Variants in THADA observed in about 807,000 individuals in gnomAD.
THADA encodes the protein THADA armadillo repeat containing.
In THADA, 213 loss-of-function variants were observed where a neutral mutation model predicts 219.8. The ratio of observed to expected loss-of-function variants is 0.97; its 90% CI spans 0.87 to 1.09. The LOEUF (loss-of-function observed/expected upper bound fraction) is 1.09. Ranked by LOEUF, THADA falls within the 50% of genes least tolerant of loss-of-function variation. The pLI is 0.00. For synonymous variants in THADA, 1,018 were observed against 828.9 expected, an observed-to-expected ratio of 1.23 and a Z score of -3.92; for missense variants, 2,956 against 2,311.3, an observed-to-expected ratio of 1.28 and a Z score of -5.72.
intron 29 of THADA, among the ~76,000 whole-genome samples, chr2:43,397,219 G>A (rs1674172403): frequency 6.6e-6 from 1 of 152,010 alleles, no homozygotes; most frequent in African/African-American, 2.4e-5. Flanking sequence ...GAGATCTCAA[G>A]GCCATCTCTC....
chr2:43,515,081 TATAA>T (rs1558890737), intron 22 of THADA, among the ~76,000 whole-genome samples: 1 of 24,694 alleles, frequency 4.0e-5, no homozygotes, highest in Non-Finnish European at 6.8e-5. Context: ...ATATAATATA[TATAA>T]ATATATATAT....
At chr2:43,543,257 C>T (rs527977075) in intron 20 of THADA, among the ~76,000 whole-genome samples, 1 of 131,566 alleles carries the variant, frequency 7.6e-6, no homozygotes, top group Non-Finnish European at 1.6e-5. Context: ...GCCACATTTT[C>T]TTAATCCAGT....
intron 30 of THADA, among the ~76,000 whole-genome samples, chr2:43,342,156 C>T (rs1667133131): frequency 6.6e-6 from 1 of 152,152 alleles, no homozygotes; most frequent in South Asian, 2.1e-4. Flanking sequence ...GTCAAGGCTA[C>T]AGTGAGCCGT....
chr2:43,290,087 C>T (rs928998667), intron 34 of THADA, among the ~76,000 whole-genome samples: 1 of 150,460 alleles, frequency 6.6e-6, no homozygotes, highest in Admixed American at 6.7e-5. Context: ...GCAATTCTGC[C>T]TCAGCCTCCC....
chr2:43,320,808 G>T (rs2104463220), intron 30 of THADA, among the ~76,000 whole-genome samples: 2 of 152,226 alleles, frequency 1.3e-5, no homozygotes, highest in Non-Finnish European at 2.9e-5. Flanking sequence ...AAAATAAAAT[G>T]AAAACAAACA....
chr2:43,266,751 C>T (rs182601667), intron 36 of THADA, among the ~76,000 whole-genome samples: 188 of 152,236 alleles, frequency 1.2e-3, no homozygotes, highest in Admixed American at 3.9e-3. Flanking sequence ...AGGAGAGACA[C>T]AAAGACTGGA....
intron 21 of THADA, among the ~76,000 whole-genome samples, chr2:43,530,194 G>C (rs567585564): frequency 6.6e-6 from 1 of 151,962 alleles, no homozygotes; most frequent in African/African-American, 2.4e-5. Flanking sequence ...AGAGTGACAG[G>C]TCATGTTCTT....
chr2:43,270,022 C>A (rs1444561242), intron 36 of THADA, among the ~76,000 whole-genome samples: 1 of 152,198 alleles, frequency 6.6e-6, no homozygotes, highest in Non-Finnish European at 1.5e-5. Context: ...CTTCTCTGCC[C>A]TTACCCCACA....
At chr2:43,543,954 T>C (rs1175889187) in intron 20 of THADA, among the ~76,000 whole-genome samples, 1 of 152,152 alleles carries the variant, frequency 6.6e-6, no homozygotes, top group Non-Finnish European at 1.5e-5. Flanking sequence ...CCCATGCCTA[T>C]GTCCTGAATG....
At position 43,485,922 on chromosome 2, in the gene THADA, T is replaced by C. The variant is rs192337273; in HGVS notation, c.3745-597A>G. Among the ~76,000 whole-genome samples the C allele has an allele frequency of 1.4e-3, 208 of 152,148 alleles. 4 individuals are homozygous for C. The highest frequency in any genetic ancestry group is 0.011 in the Admixed American group (174 of 15,266). On this transcript the variant is annotated intron_variant, in intron 25 of 37. Transcript: ENST00000405975. ...TTTTGTTTGTTTTGCTTTTGACTTT[T>C]TGTTGTTGTTGTTATTTTTACAGCC...
chr2:43,423,564 C>T (rs1177395342), intron 28 of THADA, among the ~76,000 whole-genome samples: 1 of 151,988 alleles, frequency 6.6e-6, no homozygotes, highest in Non-Finnish European at 1.5e-5. Context: ...TCTCGAGTAG[C>T]TGGGACTACA....
At chr2:43,408,868 A>G (rs1675928504) in intron 28 of THADA, among the ~76,000 whole-genome samples, 1 of 152,188 alleles carries the variant, frequency 6.6e-6, no homozygotes, top group Non-Finnish European at 1.5e-5. Context: ...TATGTCTAAC[A>G]CTAACCATAC....
At chr2:43,572,685 G>C (rs1699426313) in intron 12 of THADA, 129 bp downstream of exon 12, 1 of 709,170 alleles carries the variant, frequency 1.4e-6, no homozygotes, top group East Asian at 3.2e-5. Context: ...TGGGAGACTA[G>C]GGTTTCTACT....
chr2:43,451,220 T>A (rs1011192705), intron 26 of THADA, among the ~76,000 whole-genome samples: 1 of 152,144 alleles, frequency 6.6e-6, no homozygotes, highest in Non-Finnish European at 1.5e-5. Context: ...CTCTCTCTTA[T>A]CCTTAGGCAA....
chr2:43,590,839 T>C lies in THADA; in HGVS notation c.287A>G (p.Lys96Arg), dbSNP rs1011417293. The part of the protein sequence containing the change: ...YLSLSLKNPL[K>R]KVLASSLNSL... ...TTTTTCTTACCTTGCCAATACTTTC[T>C]TCAAGGGATTCTTTAGACTCAAAGA... The change falls in exon 4 of 38, where the codon AAG (lysine) becomes AGG (arginine). Residue 96 changes from lysine (K) to arginine (R), a missense_variant. Physicochemically the swap from Lys to Arg is conservative, Grantham distance 26. Coordinates refer to ENST00000405975, the MANE Select transcript of THADA (RefSeq NM_022065.5). The C allele has an allele frequency of 1.2e-6, 2 of 1,613,390 alleles. No homozygotes were observed. The highest frequency in any genetic ancestry group is 2.7e-5 in the African/African-American group (2 of 74,892).
At position 43,552,327 on chromosome 2, in the gene THADA, A is replaced by T; in HGVS notation, c.2687T>A (p.Leu896Ter). 2 of 1,592,558 alleles carry T rather than the reference A, an allele frequency of 1.3e-6. No individual in the cohort carries two copies. The highest frequency in any genetic ancestry group is 1.7e-6 in the Non-Finnish European group (2 of 1,173,984). ...TACTTCTTCCTCAAGATTTTCCATCAAGCATTTGATAACTAGAAAAAGCAA... is the reference window on the plus strand; with the variant it reads ...TACTTCTTCCTCAAGATTTTCCATCTAGCATTTGATAACTAGAAAAAGCAA... Reference protein sequence around the residue: ...ERNTLMVIKCLMENLEEEVSQ... With the variant: ...ERNTLMVIKC Residue 896 changes from leucine (L) to a stop codon, truncating the protein, a stop_gained, in exon 18 of 38, where the codon TTG becomes TAG. Coordinates refer to ENST00000405975, the MANE Select transcript of THADA (RefSeq NM_022065.5). LOFTEE classifies it high-confidence loss of function.
At chr2:43,323,437 T>C (rs1427954742) in intron 30 of THADA, among the ~76,000 whole-genome samples, 3 of 152,240 alleles carry the variant, frequency 2.0e-5, no homozygotes, top group Non-Finnish European at 2.9e-5. Flanking sequence ...TTTCTGCTGT[T>C]ACTCTTCCAT....
chr2:43,588,290 A>G (rs1701206463), intron 4 of THADA, among the ~76,000 whole-genome samples: 1 of 150,756 alleles, frequency 6.6e-6, no homozygotes, highest in East Asian at 1.9e-4. Context: ...ATAAAAGTTG[A>G]GCAAAAAAAA....
intron 31 of THADA, among the ~76,000 whole-genome samples, chr2:43,300,515 G>A (rs1422196254): frequency 1.3e-5 from 2 of 152,118 alleles, no homozygotes; most frequent in African/African-American, 4.8e-5. Context: ...GAATGCGATG[G>A]CACTGATATT....
Sources: gnomAD v4.1 joint callset for allele counts (sites outside exome capture counted in the v4.1 genomes callset) on GRCh38, gnomAD v4.1.1 for gene constraint, MANE v1.5 for transcripts, NCBI Gene and HGNC (gene_info 2026-07-23, HGNC 2026-07-21) for gene names.